The following CHN2 variants were observed in gnomAD, a reference collection of about 807,000 sequenced individuals.
CHN2 encodes chimerin 2.
CHN2 carries 35 observed loss-of-function variants against 56.3 expected under a neutral mutation model. The ratio of observed to expected loss-of-function variants is 0.62; its 90% CI spans 0.47 to 0.82. The LOEUF is 0.82. CHN2 is among the 40% of genes least tolerant of loss of function. CHN2 has a pLI of 0.00. For missense variants in CHN2, 491 were observed against 580.5 expected (o/e 0.85, Z 1.58); for synonymous variants, 210 against 212.8 (o/e 0.99, Z 0.12).
intron 9 of CHN2, among the ~76,000 whole-genome samples, chr7:29,502,300 T>C (rs1456877305): frequency 6.6e-6 from 1 of 152,162 alleles, no homozygotes; most frequent in Non-Finnish European, 1.5e-5. Flanking sequence ...CTGCAGCTTG[T>C]TGCTCTGTCC....
intron 1 of CHN2, among the ~76,000 whole-genome samples, chr7:29,207,262 G>A (rs1784586036): frequency 6.6e-6 from 1 of 152,204 alleles, no homozygotes; most frequent in African/African-American, 2.4e-5. Flanking sequence ...CAGATGGGAG[G>A]CATTTCAATC....
intron 2 of CHN2, among the ~76,000 whole-genome samples, chr7:29,176,276 A>G (rs960218107): frequency 1.3e-5 from 2 of 152,162 alleles, no homozygotes; most frequent in South Asian, 2.1e-4. Context: ...AAGAAGGCCA[A>G]TAGGTCCTGA....
chr7:29,204,585 C>A (rs968338506), intron 1 of CHN2, among the ~76,000 whole-genome samples: 1 of 151,868 alleles, frequency 6.6e-6, no homozygotes, highest in Non-Finnish European at 1.5e-5. Flanking sequence ...CAGTAGGTAC[C>A]CTTTGAGTTG....
At chr7:29,274,076 A>T (rs1246058143) in intron 1 of CHN2, among the ~76,000 whole-genome samples, 1 of 152,220 alleles carries the variant, frequency 6.6e-6, no homozygotes, top group East Asian at 1.9e-4. Context: ...GAAAATGGGC[A>T]TGGTGTCCCA....
chr7:29,275,781 G>A (rs1244489560), intron 1 of CHN2, among the ~76,000 whole-genome samples: 6 of 152,178 alleles, frequency 3.9e-5, no homozygotes, highest in African/African-American at 1.2e-4. Context: ...GTCTGGTTCC[G>A]GAGTTGGTGT....
At chr7:29,395,108 A>G (rs894519926) in intron 4 of CHN2, among the ~76,000 whole-genome samples, 1 of 152,248 alleles carries the variant, frequency 6.6e-6, no homozygotes, top group Non-Finnish European at 1.5e-5. Context: ...AAGGAATCAC[A>G]AGAAACTATT....
At chr7:29,398,761 ATTTTTT>A (rs61569425) in intron 5 of CHN2, among the ~76,000 whole-genome samples, 6 of 120,320 alleles carry the variant, frequency 5.0e-5, no homozygotes, top group African/African-American at 1.8e-4. Flanking sequence ...TGACTGGCTA[ATTTTTT>A]TTTTTTTTTT....
chr7:29,387,980 T>C (rs1380032966), intron 3 of CHN2, among the ~76,000 whole-genome samples: 4 of 152,234 alleles, frequency 2.6e-5, no homozygotes, highest in African/African-American at 4.8e-5. Flanking sequence ...GGTAATTGTT[T>C]TTTAAGTGTT....
At chr7:29,473,789 G>A (rs1257098812) in intron 6 of CHN2, among the ~76,000 whole-genome samples, 1 of 152,064 alleles carries the variant, frequency 6.6e-6, no homozygotes, top group African/African-American at 2.4e-5. Flanking sequence ...TTGATAAGAG[G>A]TAATTGTGGA....
intron 1 of CHN2, among the ~76,000 whole-genome samples, chr7:29,289,631 G>A (rs1792429894): frequency 6.6e-6 from 1 of 152,174 alleles, no homozygotes; most frequent in African/African-American, 2.4e-5. Context: ...CTGCGGGGTG[G>A]AGGTAGATGT....
chr7:29,169,065 ATGGATATATAAGAAAT>A (rs556776701), intron 2 of CHN2, among the ~76,000 whole-genome samples: 2,520 of 152,286 alleles, frequency 0.017, 52 homozygotes, highest in African/African-American at 0.057. Context: ...GGCAATTCTA[ATGGATATATAAGAAAT>A]TTATCTCCCA....
chr7:29,444,298 A>C (rs1042137231), intron 6 of CHN2, among the ~76,000 whole-genome samples: 7 of 152,216 alleles, frequency 4.6e-5, no homozygotes, highest in Non-Finnish European at 1.0e-4. Context: ...TGCATAACAA[A>C]TTACCCCAAA....
chr7:29,237,997 T>C (rs1432241202), intron 1 of CHN2, among the ~76,000 whole-genome samples: 1 of 148,964 alleles, frequency 6.7e-6, no homozygotes, highest in African/African-American at 2.5e-5. Context: ...CACACACTCA[T>C]ACTTTAATAT....
chr7:29,263,310 G>A (rs1486024020), intron 1 of CHN2, among the ~76,000 whole-genome samples: 3 of 152,314 alleles, frequency 2.0e-5, no homozygotes, highest in East Asian at 1.9e-4. Context: ...GATTGCAGAC[G>A]GAGTCTCGCT....
At position 29,513,777 on chromosome 7, in the gene CHN2, T is replaced by G. The variant is rs143366187; in HGVS notation, c.*1042T>G. On this transcript the variant is annotated 3_prime_UTR_variant, in exon 13 of 13. Transcript: ENST00000222792. ...CTATTTTTTAAAGTGAGAATAAGGT[T>G]GGTTTTTACCAAATATTTGTTCCTC... The G allele has an allele frequency of 6.6e-6, 1 of 152,644 alleles. No homozygotes were observed. The highest frequency in any genetic ancestry group is 1.5e-5 in the Non-Finnish European group (1 of 68,028). The allele number at this position is 152,644 out of a possible 1,614,324, so 9.5% of individuals were successfully genotyped here.
intron 2 of CHN2, among the ~76,000 whole-genome samples, chr7:29,163,330 TACTC>T (rs1584497705): frequency 6.6e-6 from 1 of 152,094 alleles, no homozygotes. Flanking sequence ...TTGATTAAAA[TACTC>T]TATATTGAAT....
At chr7:29,192,782 A>G (rs1178776034), upstream of CHN2, 2 of 152,236 alleles carry the variant, frequency 1.3e-5, no homozygotes, top group African/African-American at 2.4e-5. Context: ...GCTAAGTGAC[A>G]GAACCAGAGT....
At chr7:29,464,139 A>G (rs566284437) in intron 6 of CHN2, among the ~76,000 whole-genome samples, 1 of 152,346 alleles carries the variant, frequency 6.6e-6, no homozygotes, top group Admixed American at 6.5e-5. Flanking sequence ...GTTACGATTA[A>G]TCATAATCAT....
At chr7:29,178,591 T>A (rs1044839337) in intron 2 of CHN2, among the ~76,000 whole-genome samples, 3 of 152,182 alleles carry the variant, frequency 2.0e-5, no homozygotes, top group Non-Finnish European at 2.9e-5. Flanking sequence ...TTTTCAGCAT[T>A]TGAAGTTATC....
Sources: gnomAD v4.1 joint callset for allele counts (sites outside exome capture counted in the v4.1 genomes callset) on GRCh38, gnomAD v4.1.1 for gene constraint, MANE v1.5 for transcripts, NCBI Gene and HGNC (gene_info 2026-07-23, HGNC 2026-07-21) for gene names.